The following MICAL2 variants were observed in gnomAD, a reference collection of about 807,000 sequenced individuals.
The protein encoded by MICAL2 is microtubule associated monooxygenase, calponin and LIM domain containing 2.
A neutral mutation model predicts 127.3 loss-of-function variants in MICAL2; 77 were observed. That is an observed-to-expected ratio of 0.60 (90% CI 0.50 to 0.73). The LOEUF (loss-of-function observed/expected upper bound fraction) is 0.73, where lower values mean the gene tolerates loss of function less well. Ranked by LOEUF, MICAL2 falls within the 30% of genes least tolerant of loss-of-function variation. The pLI is 0.00. For synonymous variants in MICAL2, 570 were observed against 551.1 expected (o/e 1.03, Z -0.48); for missense variants, 1,351 against 1,434.4 (o/e 0.94, Z 0.94).
intron 32 of MICAL2, among the ~76,000 whole-genome samples, chr11:12,341,760 G>A (rs1420941162): frequency 1.3e-5 from 2 of 152,144 alleles, no homozygotes; most frequent in Admixed American, 6.5e-5. Context: ...CCGGGAGGTG[G>A]AGTTTGTGGT....
At chr11:12,155,313 T>TACAC (rs558538340) in intron 2 of MICAL2, among the ~76,000 whole-genome samples, 3 of 152,064 alleles carry the variant, frequency 2.0e-5, no homozygotes, top group Non-Finnish European at 2.9e-5. Flanking sequence ...TACATGTACA[T>TACAC]ACACACACAC....
intron 30 of MICAL2, among the ~76,000 whole-genome samples, chr11:12,320,885 A>T (rs1864287145): frequency 1.3e-5 from 2 of 152,098 alleles, no homozygotes; most frequent in African/African-American, 4.8e-5. Context: ...TGAATTTCTC[A>T]TTTCTAACAA....
intron 2 of MICAL2, among the ~76,000 whole-genome samples, chr11:12,149,152 G>A (rs1853296722): frequency 6.6e-6 from 1 of 152,166 alleles, no homozygotes; most frequent in Non-Finnish European, 1.5e-5. Context: ...CAGACAGAGG[G>A]ATCAGCATCA....
downstream of MICAL2, among the ~76,000 whole-genome samples, chr11:12,291,476 G>A (rs1314200370): frequency 2.0e-5 from 3 of 152,096 alleles, no homozygotes; most frequent in Non-Finnish European, 4.4e-5. Flanking sequence ...TGTCCTCAGG[G>A]CCCTGCCCCA....
intron 21 of MICAL2, among the ~76,000 whole-genome samples, chr11:12,245,367 T>C (rs1001654215): frequency 6.6e-6 from 1 of 152,218 alleles, no homozygotes; most frequent in South Asian, 2.1e-4. Context: ...ACCAGCTCCA[T>C]GCTATTGCAT....
Position 12,349,985 on chromosome 11 carries a change from A to C in MICAL2, c.5615+48A>C, listed in dbSNP as rs574622023. 6 of 1,534,366 alleles carry C rather than the reference A, an allele frequency of 3.9e-6. No homozygotes were observed. In the East Asian group the frequency reaches 1.4e-4, roughly 35 times the overall value. The stretch of plus-strand genomic sequence containing the variant: ...CAGCGAGTCCTAAAAGCAAAGGGGC[A>C]AAGGGGGGTGGCTTACCCTCCTAGG... On this transcript the variant is annotated intron_variant, in intron 33 of 34. Transcript: ENST00000646065.
In MICAL2 at chr11:12,260,436, TTTTAA is replaced by T. The variant is rs1478570613; in HGVS notation, c.3334+542_3334+546del. The T allele has an allele frequency of 3.3e-6, 4 of 1,205,060 alleles. No individual in the cohort carries two copies. The African/African-American group carries it at 6.4e-5, about 19-fold the overall frequency. 74.6% of individuals were successfully genotyped at this position (1,205,060 alleles called of 1,614,324 possible). ...TGGGTTTACATTTCAATTTTTTTAA[TTTTAA>T]TTAGCCCAGAGAAAGCATTTTTTTC... is the stretch of plus-strand genomic sequence containing the variant. On this transcript the variant is annotated intron_variant, in intron 26 of 27. Coordinates refer to ENST00000683283, the MANE Select transcript of MICAL2 (RefSeq NM_001282663.2).
intron 30 of MICAL2, among the ~76,000 whole-genome samples, chr11:12,322,236 T>C (rs903252345): frequency 6.6e-6 from 1 of 152,162 alleles, no homozygotes; most frequent in Non-Finnish European, 1.5e-5. Context: ...TGTTAATAAA[T>C]GAACTGACTC....
chr11:12,157,422 G>A (rs1854310322), intron 2 of MICAL2, among the ~76,000 whole-genome samples: 1 of 152,288 alleles, frequency 6.6e-6, no homozygotes, highest in Non-Finnish European at 1.5e-5. Context: ...TAGAGGCAGG[G>A]AAAGGAAGTT....
At chr11:12,269,003 A>G (rs1197941628) in intron 24 of MICAL2, among the ~76,000 whole-genome samples, 1 of 144,970 alleles carries the variant, frequency 6.9e-6, no homozygotes, top group Non-Finnish European at 1.5e-5. Flanking sequence ...GTCTCAAAGG[A>G]AAAAAAAAAA....
intron 1 of MICAL2, among the ~76,000 whole-genome samples, chr11:12,135,673 G>T (rs1851776456): frequency 6.6e-6 from 1 of 152,222 alleles, no homozygotes; most frequent in African/African-American, 2.4e-5. Context: ...GCTGGGATAG[G>T]ACCCTTGGTT....
intron 7 of MICAL2, among the ~76,000 whole-genome samples, chr11:12,214,803 A>T (rs1389405863): frequency 2.0e-5 from 3 of 151,622 alleles, no homozygotes; most frequent in Admixed American, 2.0e-4. Context: ...ACAGGCCAGA[A>T]ATATTTCCTA....
chr11:12,237,203 A>G (rs1247692222), intron 16 of MICAL2, among the ~76,000 whole-genome samples: 8 of 152,212 alleles, frequency 5.3e-5, no homozygotes, highest in Admixed American at 1.3e-4. Flanking sequence ...AGCGCTGACA[A>G]AGAAAAACGA....
In MICAL2 at chr11:12,216,099, G is replaced by C. The variant is rs1856116529; in HGVS notation, c.848-120G>C. The C allele has an allele frequency of 8.3e-6, 6 of 720,922 alleles. 1 individual carries two copies. Among genetic ancestry groups the C allele is most frequent in the Non-Finnish European group, 1.2e-5 (5 of 416,292 alleles). 44.7% of individuals were successfully genotyped at this position (720,922 alleles called of 1,614,324 possible). A position where few individuals can be genotyped will look rare whatever the true frequency, so the allele number is the denominator to read the frequency against. ...GCCAGCCTTGTGTGCCTTAAAAACTGGTCTAACATGAATATTCTGCAGATA... is the reference window on the plus strand; with the variant it reads ...GCCAGCCTTGTGTGCCTTAAAAACTCGTCTAACATGAATATTCTGCAGATA... On this transcript the variant is annotated intron_variant, in intron 7 of 27. Transcript: ENST00000683283.
Position 12,258,607 on chromosome 11 carries a change from G to T in MICAL2, c.3231+51G>T, listed in dbSNP as rs768161535. The T allele has an allele frequency of 2.6e-6, 4 of 1,532,260 alleles. No individual in the cohort carries two copies. In the African/African-American group the frequency reaches 5.5e-5, roughly 21 times the overall value. 94.9% of individuals were successfully genotyped at this position (1,532,260 alleles called of 1,614,324 possible). A position where few individuals can be genotyped will look rare whatever the true frequency, so the allele number is the denominator to read the frequency against. ...GAAACGGGGAAGGCCCCTTGATAAG[G>T]GTTTCCAGTGATCCTCAAAGTTAGG... is the stretch of plus-strand genomic sequence containing the variant. On this transcript the variant is annotated intron_variant, in intron 25 of 27. Transcript: ENST00000683283.
chr11:12,187,545 G>C (rs1176750710), intron 3 of MICAL2, among the ~76,000 whole-genome samples: 2 of 152,142 alleles, frequency 1.3e-5, no homozygotes, highest in Non-Finnish European at 2.9e-5. Context: ...ACTTGTTACT[G>C]AGTGGTCCCA....
intron 29 of MICAL2, among the ~76,000 whole-genome samples, chr11:12,297,276 A>T (rs971916415): frequency 6.6e-6 from 1 of 152,068 alleles, no homozygotes; most frequent in Non-Finnish European, 1.5e-5. Context: ...TTGTTTAATA[A>T]CGTGATTGAA....
chr11:12,316,855 C>CT (rs1864237623), intron 29 of MICAL2, among the ~76,000 whole-genome samples: 1 of 152,132 alleles, frequency 6.6e-6, no homozygotes, highest in Admixed American at 6.5e-5. Flanking sequence ...TGCTTTTAAG[C>CT]TTTTTTCAGG....
At chr11:12,170,448 C>CA (rs1301845911) in intron 3 of MICAL2, among the ~76,000 whole-genome samples, 1 of 151,592 alleles carries the variant, frequency 6.6e-6, no homozygotes, top group Non-Finnish European at 1.5e-5. Flanking sequence ...GACCCCATCT[C>CA]AAAAAAATAA....
Sources: allele counts gnomAD v4.1 joint callset (sites outside exome capture counted in the v4.1 genomes callset), GRCh38; gene constraint gnomAD v4.1.1; transcripts MANE v1.5; gene names NCBI Gene and HGNC (gene_info 2026-07-23, HGNC 2026-07-21).